The following NAV3 variants were observed in gnomAD, a reference collection of about 807,000 sequenced individuals.
NAV3 encodes the protein neuron navigator 3.
NAV3 carries 87 observed loss-of-function variants against 244.7 expected under a neutral mutation model. That is an observed-to-expected ratio of 0.36 (90% CI 0.30 to 0.42). NAV3 has a LOEUF of 0.42. Ranked by LOEUF, NAV3 falls within the 20% of genes least tolerant of loss-of-function variation. NAV3 has a pLI of 1.00. For synonymous variants in NAV3, 1,126 were observed against 1,042.2 expected (o/e 1.08, Z -1.55); for missense variants, 2,663 against 2,893.3 (o/e 0.92, Z 1.83).
intron 24 of NAV3, among the ~76,000 whole-genome samples, chr12:78,171,264 TG>T (rs1047860084): frequency 6.6e-6 from 1 of 151,702 alleles, no homozygotes; most frequent in African/African-American, 2.4e-5. Context: ...AAGCAGCTTA[TG>T]TTCTAAATCT....
At chr12:78,116,295 A>G (rs965106355) in intron 12 of NAV3, among the ~76,000 whole-genome samples, 2 of 152,198 alleles carry the variant, frequency 1.3e-5, no homozygotes, top group Admixed American at 6.5e-5. Flanking sequence ...GACTCATGCA[A>G]TAAGACTCTG....
At chr12:77,622,441 G>A (rs1347497337) in intron 2 of NAV3, among the ~76,000 whole-genome samples, 1 of 151,458 alleles carries the variant, frequency 6.6e-6, no homozygotes, top group African/African-American at 2.4e-5. Flanking sequence ...TTACAGGCTT[G>A]AGACACCGCA....
chr12:78,122,908 T>TAAAA (rs61235295), intron 16 of NAV3, among the ~76,000 whole-genome samples: 2 of 144,290 alleles, frequency 1.4e-5, no homozygotes, highest in Non-Finnish European at 3.0e-5. Context: ...TTGGCCTGGT[T>TAAAA]AAAAAAAAAA....
intron 2 of NAV3, among the ~76,000 whole-genome samples, chr12:77,824,921 CA>C (rs1429148701): frequency 1.4e-5 from 2 of 146,110 alleles, no homozygotes; most frequent in Non-Finnish European, 3.1e-5. Context: ...ACAACAACAA[CA>C]ACAAAGAAAA....
At chr12:77,967,864 T>C in intron 4 of NAV3, among the ~76,000 whole-genome samples, 1 of 152,282 alleles carries the variant, frequency 6.6e-6, no homozygotes, top group Non-Finnish European at 1.5e-5. Context: ...ATATATAGCA[T>C]AAATTAAAAA....
chr12:77,644,693 G>C (rs767832858), intron 2 of NAV3, among the ~76,000 whole-genome samples: 1 of 152,012 alleles, frequency 6.6e-6, no homozygotes, highest in East Asian at 1.9e-4. Flanking sequence ...AATTTTTGAC[G>C]TGGGGCATGT....
intron 2 of NAV3, among the ~76,000 whole-genome samples, chr12:77,745,061 A>G (rs1484060051): frequency 3.3e-5 from 5 of 152,026 alleles, no homozygotes; most frequent in African/African-American, 7.2e-5. Context: ...GTGCTGCTAC[A>G]TAAGTGTGAT....
chr12:78,039,884 C>T (rs1880559367), intron 9 of NAV3, among the ~76,000 whole-genome samples: 2 of 151,908 alleles, frequency 1.3e-5, no homozygotes, highest in Non-Finnish European at 2.9e-5. Context: ...TGTGTGGAAG[C>T]CATTCCATTG....
intron 2 of NAV3, among the ~76,000 whole-genome samples, chr12:77,767,398 G>A (rs755712564): frequency 6.6e-6 from 1 of 152,204 alleles, no homozygotes; most frequent in Non-Finnish European, 1.5e-5. Flanking sequence ...AGGGCCCACA[G>A]GGCTTATTCT....
intron 2 of NAV3, among the ~76,000 whole-genome samples, chr12:77,674,361 C>T (rs1164351473): frequency 6.6e-6 from 1 of 152,012 alleles, no homozygotes; most frequent in Non-Finnish European, 1.5e-5. Context: ...GTTCAACTAA[C>T]ACCAAATGGA....
At chr12:78,193,264 C>G (rs1959060929) in intron 34 of NAV3, among the ~76,000 whole-genome samples, 1 of 152,314 alleles carries the variant, frequency 6.6e-6, no homozygotes, top group East Asian at 1.9e-4. Context: ...AAGCTGCCAG[C>G]TGGAATATTT....
intron 3 of NAV3, among the ~76,000 whole-genome samples, chr12:77,948,141 A>G (rs956693697): frequency 6.6e-6 from 1 of 152,118 alleles, no homozygotes; most frequent in Non-Finnish European, 1.5e-5. Context: ...GAAAAACAGC[A>G]ACATGAAATC....
At chr12:77,767,361 C>T (rs1448528468) in intron 2 of NAV3, among the ~76,000 whole-genome samples, 1 of 152,158 alleles carries the variant, frequency 6.6e-6, no homozygotes, top group Non-Finnish European at 1.5e-5. Context: ...CCTCTGTGGC[C>T]AGTGTTGCCT....
intron 2 of NAV3, among the ~76,000 whole-genome samples, chr12:77,654,969 C>G (rs1016490137): frequency 6.6e-6 from 1 of 152,038 alleles, no homozygotes; most frequent in Non-Finnish European, 1.5e-5. Context: ...ACATCACCAT[C>G]ATCAAAGACC....
intron 12 of NAV3, among the ~76,000 whole-genome samples, chr12:78,112,567 A>C (rs982633760): frequency 1.3e-5 from 2 of 152,160 alleles, no homozygotes; most frequent in Non-Finnish European, 2.9e-5. Flanking sequence ...AACCCCTTAT[A>C]AAACTATCAA....
At chr12:77,581,709 T>G (rs1869372302) in intron 2 of NAV3, among the ~76,000 whole-genome samples, 1 of 152,174 alleles carries the variant, frequency 6.6e-6, no homozygotes, top group South Asian at 2.1e-4. Flanking sequence ...GCTCTTATAA[T>G]GTGTTTTATA....
chr12:78,179,449 T>A (rs1218733729), intron 28 of NAV3, 80 bp from the exon 29 acceptor site: 18 of 1,543,004 alleles, frequency 1.2e-5, no homozygotes, highest in Non-Finnish European at 1.6e-5. Flanking sequence ...AATATTGCAG[T>A]GCAGCCTTTA....
At chr12:78,180,795 C>A (rs989855593) in intron 29 of NAV3, 76 bp from the exon 30 acceptor site, 2 of 1,179,716 alleles carry the variant, frequency 1.7e-6, no homozygotes, top group Non-Finnish European at 2.4e-6. Context: ...AGCTAATTAA[C>A]TCTGATAAAA....
Position 77,787,332 on chromosome 12 carries a change from G to T in NAV3, c.73-152987G>T, listed in dbSNP as rs192607853. On this transcript the variant is annotated intron_variant, in intron 2 of 8. Transcript: ENST00000550042. ...TAAAAGCAGCCTTCTTTATTATTTA[G>T]AAATTGTGGGGTGTATTAGTCTGTT... Among the ~76,000 whole-genome samples, 4 of 152,190 alleles carry T rather than the reference G, an allele frequency of 2.6e-5. No homozygotes were observed. In the East Asian group the frequency reaches 7.7e-4, roughly 29 times the overall value.
Sources: allele counts gnomAD v4.1 joint callset (sites outside exome capture counted in the v4.1 genomes callset), GRCh38; gene constraint gnomAD v4.1.1; transcripts MANE v1.5; gene names NCBI Gene and HGNC (gene_info 2026-07-23, HGNC 2026-07-21).